TFAP2D: variants seen among roughly 807,000 people sequenced by gnomAD.
The protein encoded by TFAP2D is transcription factor AP-2-delta.
A neutral mutation model predicts 43.6 loss-of-function variants in TFAP2D; 9 were observed. That is an observed-to-expected ratio of 0.21 (90% CI 0.12 to 0.36). TFAP2D has a LOEUF of 0.36. Ranked by LOEUF, TFAP2D falls within the 10% of genes least tolerant of loss-of-function variation. The pLI, the probability that TFAP2D is intolerant of heterozygous loss-of-function variation, is 1.00. For synonymous variants in TFAP2D, 256 were observed against 224.9 expected (o/e 1.14, Z -1.24); for missense variants, 513 against 561.4 (o/e 0.91, Z 0.87).
At chr6:50,746,797 T>C (rs543126383) in intron 6 of TFAP2D, among the ~76,000 whole-genome samples, 1 of 152,164 alleles carries the variant, frequency 6.6e-6, no homozygotes, top group Non-Finnish European at 1.5e-5. Flanking sequence ...AGTCCCTTAA[T>C]TGAAGTTTAC....
At chr6:50,716,977 C>T (rs1768637787) in intron 2 of TFAP2D, among the ~76,000 whole-genome samples, 3 of 152,278 alleles carry the variant, frequency 2.0e-5, no homozygotes, top group Middle Eastern at 3.4e-3. Flanking sequence ...TTCCATAAAC[C>T]TTGACTTTCT....
intron 3 of TFAP2D, among the ~76,000 whole-genome samples, chr6:50,724,163 G>A (rs536915141): frequency 6.6e-6 from 1 of 152,120 alleles, no homozygotes; most frequent in African/African-American, 2.4e-5. Context: ...AGAGGCTAGA[G>A]AGGAAGCAGC....
chr6:50,762,627 A>G (rs375920337), intron 7 of TFAP2D, among the ~76,000 whole-genome samples: 1 of 152,216 alleles, frequency 6.6e-6, no homozygotes. Flanking sequence ...GTTAATTGGG[A>G]GGTCTAGCAA....
chr6:50,772,603 C>T (rs753949249), intron 7 of TFAP2D, 42 bp from the exon 8 acceptor site: 2 of 1,559,888 alleles, frequency 1.3e-6, no homozygotes, highest in East Asian at 4.5e-5. Flanking sequence ...CATGATACTG[C>T]AAATCATTCA....
chr6:50,762,076 A>T (rs1211278120), intron 7 of TFAP2D, among the ~76,000 whole-genome samples: 1 of 152,092 alleles, frequency 6.6e-6, no homozygotes, highest in African/African-American at 2.4e-5. Flanking sequence ...CCACCTTATT[A>T]GTAAAACCAC....
At chr6:50,759,589 C>G (rs1056315224) in intron 7 of TFAP2D, among the ~76,000 whole-genome samples, 6 of 151,910 alleles carry the variant, frequency 3.9e-5, no homozygotes, top group Non-Finnish European at 5.9e-5. Context: ...CTATTCCAAA[C>G]AGAAAATACA....
chr6:50,746,359 T>A (rs1030952540), intron 6 of TFAP2D, among the ~76,000 whole-genome samples: 2 of 151,974 alleles, frequency 1.3e-5, no homozygotes, highest in Admixed American at 6.6e-5. Flanking sequence ...CACCTCAGCC[T>A]CCCGAGTAGC....
intron 7 of TFAP2D, among the ~76,000 whole-genome samples, chr6:50,764,574 G>A (rs1769414897): frequency 6.6e-6 from 1 of 151,988 alleles, no homozygotes; most frequent in Admixed American, 6.6e-5. Flanking sequence ...AAAAATAAAG[G>A]AATTAGTATT....
At chr6:50,735,583 G>T (rs774534701) in intron 5 of TFAP2D, among the ~76,000 whole-genome samples, 2 of 152,094 alleles carry the variant, frequency 1.3e-5, no homozygotes, top group Admixed American at 6.6e-5. Flanking sequence ...ATTATCAATA[G>T]TATCCATTGT....
At chr6:50,764,599 C>T (rs561688956) in intron 7 of TFAP2D, among the ~76,000 whole-genome samples, 2 of 152,008 alleles carry the variant, frequency 1.3e-5, no homozygotes, top group Non-Finnish European at 2.9e-5. Context: ...TTAAAATAAA[C>T]GTAAATAAAA....
intron 7 of TFAP2D, among the ~76,000 whole-genome samples, chr6:50,764,438 G>A (rs1330795986): frequency 2.0e-5 from 3 of 151,982 alleles, no homozygotes; most frequent in African/African-American, 7.3e-5. Context: ...ACAAATCTGG[G>A]CATCAAAGAT....
chr6:50,715,665 C>G (rs759329409), intron 2 of TFAP2D, 52 bp downstream of exon 2: 138 of 1,530,224 alleles, frequency 9.0e-5, no homozygotes, highest in Middle Eastern at 5.3e-4. Context: ...TCGCCCTCCC[C>G]CTGCCGCCCC....
chr6:50,724,588 G>A (rs887478484), intron 3 of TFAP2D, among the ~76,000 whole-genome samples: 2 of 152,222 alleles, frequency 1.3e-5, no homozygotes, highest in Non-Finnish European at 2.9e-5. Flanking sequence ...CGGGGGAGGC[G>A]CGGAGGCCGT....
At chr6:50,724,009 G>T (rs1421877143) in intron 3 of TFAP2D, among the ~76,000 whole-genome samples, 1 of 151,960 alleles carries the variant, frequency 6.6e-6, no homozygotes, top group Non-Finnish European at 1.5e-5. Context: ...CAAACAATTC[G>T]CTCCTTACAC....
At chr6:50,747,250 T>C (rs1769138123) in intron 6 of TFAP2D, among the ~76,000 whole-genome samples, 1 of 152,166 alleles carries the variant, frequency 6.6e-6, no homozygotes. Context: ...AAAGCACATA[T>C]AGTTAGTTTG....
At position 50,752,547 on chromosome 6, in the gene TFAP2D, C is replaced by A. The variant is rs1307348693; in HGVS notation, c.1139+1223C>A. Among the ~76,000 whole-genome samples, 5 of 151,786 alleles carry A rather than the reference C, an allele frequency of 3.3e-5. No homozygotes were observed. The East Asian group carries it at 5.8e-4, about 18-fold the overall frequency. On this transcript the variant is annotated intron_variant, in intron 7 of 7. Coordinates refer to ENST00000008391, the MANE Select transcript of TFAP2D (RefSeq NM_172238.4). ...GAGGGCACTTCATTATATAAAATAACAAGTGTTTAAATAAGTTGAAATTTA... is the reference window on the plus strand; with the variant it reads ...GAGGGCACTTCATTATATAAAATAAAAAGTGTTTAAATAAGTTGAAATTTA...
chr6:50,720,831 C>A (rs1223680033), intron 3 of TFAP2D, among the ~76,000 whole-genome samples: 1 of 152,158 alleles, frequency 6.6e-6, no homozygotes, highest in Non-Finnish European at 1.5e-5. Context: ...GGGACGGGAG[C>A]CCGCTTCTCC....
intron 3 of TFAP2D, among the ~76,000 whole-genome samples, chr6:50,722,879 C>G (rs1363692300): frequency 6.6e-6 from 1 of 152,166 alleles, no homozygotes; most frequent in African/African-American, 2.4e-5. Flanking sequence ...CCTTGTTTCG[C>G]TTTGTGATCA....
intron 3 of TFAP2D, among the ~76,000 whole-genome samples, chr6:50,720,382 T>C (rs1176805696): frequency 2.0e-5 from 3 of 150,772 alleles, no homozygotes; most frequent in African/African-American, 4.8e-5. Context: ...AAACAAAGGG[T>C]GCTTTCCTTT....
Sources: allele counts gnomAD v4.1 joint callset (sites outside exome capture counted in the v4.1 genomes callset), GRCh38; gene constraint gnomAD v4.1.1; transcripts MANE v1.5; gene names NCBI Gene and HGNC (gene_info 2026-07-23, HGNC 2026-07-21).